Variants in HEPH observed in about 807,000 individuals in gnomAD.
HEPH encodes hephaestin.
In HEPH, 69 loss-of-function variants were observed where a neutral mutation model predicts 80.8. The ratio of observed to expected loss-of-function variants is 0.85; its 90% CI spans 0.70 to 1.04. The LOEUF (loss-of-function observed/expected upper bound fraction) is 1.04. Ranked by LOEUF, HEPH falls within the 50% of genes least tolerant of loss-of-function variation. The pLI, the probability that HEPH is intolerant of heterozygous loss-of-function variation, is 0.00. For synonymous variants in HEPH, 431 were observed against 322.8 expected (o/e 1.34, Z -3.60); for missense variants, 1,115 against 891.3 (o/e 1.25, Z -3.20).
At chrX:66,206,871 G>A (rs898518629) in intron 13 of HEPH, among the ~76,000 whole-genome samples, 2 of 109,545 alleles carry the variant, frequency 1.8e-5, no homozygotes, top group Admixed American at 9.7e-5. Context: ...ACAAAAAGTA[G>A]CCGGGCGTGG....
At chrX:66,169,678 C>T (rs1000725484) in intron 1 of HEPH, among the ~76,000 whole-genome samples, 1 of 112,281 alleles carries the variant, frequency 8.9e-6, no homozygotes, top group African/African-American at 3.2e-5. Flanking sequence ...GTATAATACA[C>T]ATAAAGTGCA....
chrX:66,256,196 T>G lies in HEPH; in HGVS notation c.2762T>G (p.Phe921Cys), dbSNP rs764962105. 8.3e-7 allele frequency: 1 copy of G among 1,209,721 alleles called. No homozygotes were observed. Among genetic ancestry groups the G allele is most frequent in the East Asian group, 3.0e-5 (1 of 33,719 alleles). ...GGACGGAGTGACATGGATCGGGAAT[T>G]TGCATTGTTGTTCTTGATTTTTGAT... is the stretch of plus-strand genomic sequence containing the variant. ...HGGRSDMDREFALLFLIFDEN... is the reference protein window; with the variant it reads ...HGGRSDMDRECALLFLIFDEN... Residue 921 changes from phenylalanine to cysteine, a missense_variant, in exon 17 of 21, where the codon TTT becomes TGT. Coordinates refer to ENST00000343002, the MANE Select transcript of HEPH (RefSeq NM_001367233.3).
intron 20 of HEPH, among the ~76,000 whole-genome samples, chrX:66,264,074 A>G (rs1480448461): frequency 9.1e-6 from 1 of 110,051 alleles, no homozygotes; most frequent in African/African-American, 3.3e-5. Context: ...ACAGAATGGC[A>G]TAATGGACAT....
chrX:66,190,440 A>G (rs759890424), intron 6 of HEPH, among the ~76,000 whole-genome samples: 7 of 111,494 alleles, frequency 6.3e-5, no homozygotes, highest in Non-Finnish European at 1.1e-4. Flanking sequence ...AGAGCAATGT[A>G]TTGAGGAGCA....
At chrX:66,221,746 A>T (rs985180510) in intron 15 of HEPH, among the ~76,000 whole-genome samples, 9 of 112,776 alleles carry the variant, frequency 8.0e-5, no homozygotes, top group Non-Finnish European at 1.7e-4. Context: ...GTGAAAAGGT[A>T]ATTGCTGTTG....
At chrX:66,248,039 A>T (rs2090876292) in intron 15 of HEPH, among the ~76,000 whole-genome samples, 1 of 110,551 alleles carries the variant, frequency 9.0e-6, no homozygotes, top group South Asian at 3.8e-4. Flanking sequence ...TTAAATATTA[A>T]TTCCTATCAT....
chrX:66,199,768 C>T (rs764913176), intron 11 of HEPH, among the ~76,000 whole-genome samples: 16 of 111,745 alleles, frequency 1.4e-4, no homozygotes, highest in African/African-American at 4.2e-4. Flanking sequence ...TATAGCTGAA[C>T]GAAGATACGA....
intron 15 of HEPH, among the ~76,000 whole-genome samples, chrX:66,254,453 G>A (rs73630917): frequency 3.3e-3 from 371 of 111,224 alleles, no homozygotes; most frequent in African/African-American, 0.011. Flanking sequence ...AAGGAGGGAG[G>A]TGAGTTCATA....
chrX:66,255,193 A>G (rs761508412), intron 16 of HEPH, 52 bp downstream of exon 16: 1 of 834,566 alleles, frequency 1.2e-6, no homozygotes. Context: ...TGGCAAAAAG[A>G]AGCTATTAAC....
At chrX:66,197,349 G>A (rs1007231660) in intron 9 of HEPH, among the ~76,000 whole-genome samples, 1 of 111,051 alleles carries the variant, frequency 9.0e-6, no homozygotes, top group Non-Finnish European at 1.9e-5. Flanking sequence ...GCAGAAGTAG[G>A]GATGTAAGAG....
chrX:66,166,945 C>G (rs1481395975), intron 1 of HEPH, among the ~76,000 whole-genome samples: 1 of 112,376 alleles, frequency 8.9e-6, no homozygotes, highest in Non-Finnish European at 1.9e-5. Flanking sequence ...CATTTCCAAA[C>G]TATTTCCTTA....
intron 15 of HEPH, among the ~76,000 whole-genome samples, chrX:66,212,343 A>C (rs756382305): frequency 1.8e-4 from 20 of 110,791 alleles, no homozygotes; most frequent in Non-Finnish European, 2.8e-4. Flanking sequence ...TATTTAGTTA[A>C]ATATAGTCCC....
intron 13 of HEPH, among the ~76,000 whole-genome samples, chrX:66,204,269 T>G (rs764036667): frequency 8.9e-6 from 1 of 112,113 alleles, no homozygotes; most frequent in Non-Finnish European, 1.9e-5. Flanking sequence ...GTCTAAAAGA[T>G]GTAATCTCTA....
In HEPH at chrX:66,173,427, C is replaced by A. The variant is rs886766827; in HGVS notation, c.413-162C>A. ...TTTTTAGGTTAAATGTTACCTAAAT[C>A]TGTGCTCTCCTTAGGTTGTGAGGAA... On this transcript the variant is annotated intron_variant, in intron 3 of 20. Transcript: ENST00000343002. 3.6e-5 allele frequency among the ~76,000 whole-genome samples: 4 copies of A among 112,031 alleles called. No homozygotes were observed. The South Asian group carries it at 1.5e-3, about 42-fold the overall frequency.
intron 15 of HEPH, among the ~76,000 whole-genome samples, chrX:66,236,671 T>A (rs1224848302): frequency 9.0e-6 from 1 of 111,284 alleles, no homozygotes; most frequent in East Asian, 2.8e-4. Flanking sequence ...TTTTTTGCAA[T>A]AGGTTTAGTA....
chrX:66,193,253 T>A (rs2087907061), intron 7 of HEPH, among the ~76,000 whole-genome samples: 1 of 110,021 alleles, frequency 9.1e-6, no homozygotes, highest in African/African-American at 3.3e-5. Flanking sequence ...ATTTAAAATA[T>A]CCAACAGTAA....
intron 15 of HEPH, among the ~76,000 whole-genome samples, chrX:66,247,070 G>A (rs753283077): frequency 5.4e-5 from 6 of 111,233 alleles, no homozygotes; most frequent in African/African-American, 9.8e-5. Context: ...TCTTTTCTGT[G>A]ACAAATCTTG....
At position 66,255,294 on chromosome X, in the gene HEPH, G is replaced by A. The variant is rs3747358; in HGVS notation, c.2670+153G>A. 4.8e-3 allele frequency among the ~76,000 whole-genome samples: 541 copies of A among 111,649 alleles called. 13 individuals are homozygous for A. The East Asian group carries it at 0.087, about 18-fold the overall frequency. Reference sequence around the variant, plus strand: ...GCTGGACTTATTTTAATAGACAGGAGGAGGGACGAAGGGAATGGGTAGCAC... The same window carrying A: ...GCTGGACTTATTTTAATAGACAGGAAGAGGGACGAAGGGAATGGGTAGCAC... On this transcript the variant is annotated intron_variant, in intron 16 of 20. Coordinates refer to ENST00000343002, the MANE Select transcript of HEPH (RefSeq NM_001367233.3).
chrX:66,214,747 T>C (rs2089309932), intron 15 of HEPH, among the ~76,000 whole-genome samples: 1 of 111,465 alleles, frequency 9.0e-6, no homozygotes, highest in African/African-American at 3.3e-5. Flanking sequence ...TAACATCTTC[T>C]AAACCATTCA....
Sources: allele counts gnomAD v4.1 joint callset (sites outside exome capture counted in the v4.1 genomes callset), GRCh38; gene constraint gnomAD v4.1.1; transcripts MANE v1.5; gene names NCBI Gene and HGNC (gene_info 2026-07-23, HGNC 2026-07-21).